Variants in ROCK1 observed in about 807,000 individuals in gnomAD.
ROCK1 encodes the protein Rho associated coiled-coil containing protein kinase 1, also known as rho-associated protein kinase 1.
Under a neutral mutation model 196.8 loss-of-function variants are expected in ROCK1, and 36 were observed. The ratio of observed to expected loss-of-function variants is 0.18; its 90% CI spans 0.14 to 0.24. The LOEUF is 0.24. Among genes scored for constraint, ROCK1 ranks in the 10% least tolerant of loss-of-function variants. ROCK1 has a pLI of 1.00. For missense variants in ROCK1, 920 were observed against 1,562.0 expected (o/e 0.59, Z 6.93); for synonymous variants, 443 against 515.9 (o/e 0.86, Z 1.91).
At chr18:21,049,719 C>T (rs1040572520) in intron 3 of ROCK1, 61 bp downstream of exon 3, 4 of 1,010,232 alleles carry the variant, frequency 4.0e-6, no homozygotes, top group Non-Finnish European at 3.0e-6. Flanking sequence ...ATATGTTAAA[C>T]ACACAAGTGG....
intron 1 of ROCK1, among the ~76,000 whole-genome samples, chr18:21,085,633 A>G (rs1324193863): frequency 6.6e-6 from 1 of 152,200 alleles, no homozygotes; most frequent in Non-Finnish European, 1.5e-5. Context: ...TGTAAGGGAG[A>G]ACAGGCTTAA....
At chr18:21,054,017 G>C (rs1219327626) in intron 2 of ROCK1, among the ~76,000 whole-genome samples, 1 of 152,088 alleles carries the variant, frequency 6.6e-6, no homozygotes, top group Non-Finnish European at 1.5e-5. Context: ...GAAGCAAGGA[G>C]AGCATCACAT....
intron 6 of ROCK1, among the ~76,000 whole-genome samples, chr18:21,043,542 T>C (rs2036126891): frequency 1.4e-5 from 2 of 144,942 alleles, no homozygotes; most frequent in Non-Finnish European, 1.5e-5. Context: ...TATTTATTTA[T>C]GTTATTTATT....
intron 1 of ROCK1, among the ~76,000 whole-genome samples, chr18:21,107,669 G>A (rs1273436976): frequency 6.6e-6 from 1 of 152,126 alleles, no homozygotes; most frequent in Non-Finnish European, 1.5e-5. Context: ...ATGAACGAAC[G>A]AATGCTCAAT....
chr18:21,031,895 G>C (rs1400071093), intron 9 of ROCK1, among the ~76,000 whole-genome samples: 1 of 152,108 alleles, frequency 6.6e-6, no homozygotes, highest in Non-Finnish European at 1.5e-5. Context: ...AAAAAAACCA[G>C]TGAACTTGAA....
intron 4 of ROCK1, 105 bp from the exon 5 acceptor site, chr18:21,045,572 T>A: frequency 1.1e-6 from 1 of 906,504 alleles, no homozygotes. Context: ...AGTAAAATAA[T>A]CAAATTACAG....
intron 27 of ROCK1, among the ~76,000 whole-genome samples, chr18:20,966,270 G>A (rs1164351280): frequency 1.3e-5 from 2 of 151,988 alleles, no homozygotes; most frequent in South Asian, 2.1e-4. Context: ...TTTACATGAC[G>A]ATTAAACCAA....
At chr18:20,987,159 A>AT (rs1363761551) in intron 18 of ROCK1, 49 bp from the exon 19 acceptor site, 13 of 1,560,618 alleles carry the variant, frequency 8.3e-6, no homozygotes, top group Non-Finnish European at 1.1e-5. Context: ...AGAGTACTTT[A>AT]ACACATTTCA....
At chr18:21,014,869 T>C (rs144870188) in intron 13 of ROCK1, among the ~76,000 whole-genome samples, 71 of 152,276 alleles carry the variant, frequency 4.7e-4, no homozygotes, top group Middle Eastern at 3.4e-3. Context: ...ACAGTAGAAA[T>C]ATACTTAGAA....
Position 20,969,146 on chromosome 18 carries a change from C to A in ROCK1, c.2883G>T (p.Glu961Asp), listed in dbSNP as rs747013639. Residue 961 changes from glutamate to aspartate, a missense_variant, in exon 24 of 33, where the codon GAG (glutamate) becomes GAT (aspartate). Transcript: ENST00000399799. ...DIEILRRENE[E>D]LTEKMKKAEE... ...CTGCCTTCTTCATTTTCTCTGTTAG[C>A]TCTTCATTCTCTCTTCTTAATATTT... is the stretch of plus-strand genomic sequence containing the variant. The A allele has an allele frequency of 5.9e-5, 94 of 1,601,692 alleles. No individual in the cohort carries two copies. Among genetic ancestry groups the A allele is most frequent in the Non-Finnish European group, 7.7e-5 (90 of 1,176,162 alleles).
At chr18:21,023,323 G>C (rs1044624205) in intron 11 of ROCK1, among the ~76,000 whole-genome samples, 1 of 152,076 alleles carries the variant, frequency 6.6e-6, no homozygotes, top group African/African-American at 2.4e-5. Flanking sequence ...TGCCTGTCAA[G>C]ACCCTTAATG....
chr18:20,959,057 T>TTATATATATTTTA (rs1555743134), intron 29 of ROCK1, among the ~76,000 whole-genome samples: 1 of 46,920 alleles, frequency 2.1e-5, no homozygotes, highest in African/African-American at 1.6e-4. Flanking sequence ...AATATATATA[T>TTATATATATTTTA]TATATTTTAT....
At position 20,959,114 on chromosome 18, in the gene ROCK1, T is replaced by TTA. The variant is rs1568367450; in HGVS notation, c.3512+724_3512+725dup. ...ATATAATATATATATTATATATATA[T>TTA]TATATAATATATATATTATATATAT... is the stretch of plus-strand genomic sequence containing the variant. On this transcript the variant is annotated intron_variant, in intron 29 of 32. Coordinates refer to ENST00000399799, the MANE Select transcript of ROCK1 (RefSeq NM_005406.3). 1.5e-3 allele frequency among the ~76,000 whole-genome samples: 76 copies of TTA among 49,332 alleles called. 5 individuals are homozygous for TTA. The highest frequency in any genetic ancestry group is 9.4e-3 in the African/African-American group (73 of 7,730). The allele number at this position is 49,332 out of a possible 152,430, so 32.4% of individuals were successfully genotyped here. A position where few individuals can be genotyped will look rare whatever the true frequency, so the allele number is the denominator to read the frequency against.
chr18:21,007,726 T>C (rs1487731526), intron 14 of ROCK1, among the ~76,000 whole-genome samples: 3 of 152,140 alleles, frequency 2.0e-5, no homozygotes, highest in Non-Finnish European at 4.4e-5. Flanking sequence ...AGAATAATGA[T>C]ACTCAGGCCA....
chr18:21,098,066 C>T (rs764537720), intron 1 of ROCK1, among the ~76,000 whole-genome samples: 18 of 152,184 alleles, frequency 1.2e-4, no homozygotes, highest in Non-Finnish European at 2.1e-4. Context: ...AACAACAAAG[C>T]CAGGGTTGGA....
chr18:21,034,535 T>C (rs539577227), intron 9 of ROCK1, among the ~76,000 whole-genome samples: 2 of 152,260 alleles, frequency 1.3e-5, no homozygotes, highest in East Asian at 3.9e-4. Context: ...GCCAACAACT[T>C]TCAATGCAGG....
At chr18:21,106,013 T>G (rs1239854644) in intron 1 of ROCK1, among the ~76,000 whole-genome samples, 1 of 152,044 alleles carries the variant, frequency 6.6e-6, no homozygotes, top group African/African-American at 2.4e-5. Flanking sequence ...CACCAGAAAT[T>G]TCATTTACAT....
chr18:21,097,644 G>T (rs1321756159), intron 1 of ROCK1, among the ~76,000 whole-genome samples: 1 of 152,168 alleles, frequency 6.6e-6, no homozygotes, highest in Non-Finnish European at 1.5e-5. Flanking sequence ...AATCCACTTA[G>T]ATCAAAAGTA....
At chr18:21,079,605 G>A (rs2036465407) in intron 1 of ROCK1, among the ~76,000 whole-genome samples, 1 of 152,166 alleles carries the variant, frequency 6.6e-6, no homozygotes, top group Admixed American at 6.5e-5. Flanking sequence ...TGGTGCTGAT[G>A]GTACAACTGG....
Sources: allele counts gnomAD v4.1 joint callset (sites outside exome capture counted in the v4.1 genomes callset), GRCh38; gene constraint gnomAD v4.1.1; transcripts MANE v1.5; gene names NCBI Gene and HGNC (gene_info 2026-07-23, HGNC 2026-07-21).